Variants in CMTM7 observed in about 807,000 individuals in gnomAD.
CMTM7 encodes the protein CKLF-like MARVEL transmembrane domain-containing protein 7.
CMTM7 carries 7 observed loss-of-function variants against 19.3 expected under a neutral mutation model. The ratio of observed to expected loss-of-function variants is 0.36; its 90% CI spans 0.21 to 0.68. CMTM7 has a LOEUF of 0.68. CMTM7 is among the 30% of genes least tolerant of loss of function. CMTM7 has a pLI of 0.60. For synonymous variants in CMTM7, 87 were observed against 99.3 expected (o/e 0.88, Z 0.74); for missense variants, 193 against 232.6 (o/e 0.83, Z 1.11).
chr3:32,436,319 C>CTATT (rs1284563232), intron 1 of CMTM7, among the ~76,000 whole-genome samples: 27 of 152,128 alleles, frequency 1.8e-4, no homozygotes, highest in Admixed American at 1.8e-3. Context: ...TGCACAAAGG[C>CTATT]TATTAGATGA....
At chr3:32,442,432 G>A (rs1315517501) in intron 2 of CMTM7, among the ~76,000 whole-genome samples, 5 of 150,102 alleles carry the variant, frequency 3.3e-5, no homozygotes, top group Non-Finnish European at 7.4e-5. Flanking sequence ...CCCGGGAGGC[G>A]GAGCTTGCAG....
At chr3:32,414,597 T>C (rs1696230379) in intron 1 of CMTM7, among the ~76,000 whole-genome samples, 1 of 152,146 alleles carries the variant, frequency 6.6e-6, no homozygotes, top group Admixed American at 6.5e-5. Flanking sequence ...GCTGGGGAAG[T>C]GTGGCTTCTC....
chr3:32,419,154 C>T (rs1696308209), intron 1 of CMTM7, among the ~76,000 whole-genome samples: 1 of 152,162 alleles, frequency 6.6e-6, no homozygotes. Context: ...TGTAAATAGT[C>T]CTCTCCTTTG....
chr3:32,402,209 T>G (rs1481715260), intron 1 of CMTM7, among the ~76,000 whole-genome samples: 2 of 152,102 alleles, frequency 1.3e-5, no homozygotes, highest in African/African-American at 2.4e-5. Flanking sequence ...CCTCCCGGGT[T>G]AAAATGATTC....
chr3:32,402,418 CTTTA>C (rs1696024138), intron 1 of CMTM7, among the ~76,000 whole-genome samples: 3 of 123,918 alleles, frequency 2.4e-5, no homozygotes, highest in Admixed American at 8.4e-5. Flanking sequence ...GGCCAGTTTA[CTTTA>C]GATAGTTAGA....
chr3:32,445,277 T>C (rs909815060), intron 2 of CMTM7, among the ~76,000 whole-genome samples: 2 of 152,218 alleles, frequency 1.3e-5, no homozygotes, highest in Non-Finnish European at 2.9e-5. Context: ...GCAGCCATCA[T>C]TATCTTTTTC....
At position 32,454,249 on chromosome 3, in the gene CMTM7, G is replaced by C; in HGVS notation, c.523G>C (p.Val175Leu). 1 of 1,604,726 alleles carries C rather than the reference G, an allele frequency of 6.2e-7. No individual in the cohort carries two copies. The highest frequency in any genetic ancestry group is 1.1e-5 in the South Asian group (1 of 90,732). Residue 175 changes from valine to leucine, a missense_variant, in exon 5 of 5, where the codon GTC (valine) becomes CTC (leucine). Transcript: ENST00000334983. ...GCCATTTCCTTCCCAAGATGCAGCC[G>C]TCTGATGAGGCCACAACCCCTAGGC... is the stretch of plus-strand genomic sequence containing the variant. ...SCVTQSTDAA[V>L]
At chr3:32,439,713 A>G (rs1473822821) in intron 1 of CMTM7, among the ~76,000 whole-genome samples, 1 of 152,214 alleles carries the variant, frequency 6.6e-6, no homozygotes, top group Admixed American at 6.5e-5. Context: ...TTGGCCTCCC[A>G]AAGTGCTGGG....
chr3:32,410,648 A>C (rs956689241), intron 1 of CMTM7, among the ~76,000 whole-genome samples: 9 of 152,214 alleles, frequency 5.9e-5, no homozygotes, highest in African/African-American at 2.2e-4. Context: ...GATGCCTAGC[A>C]AAGAGAGGCT....
chr3:32,395,977 T>TG (rs1264131052), intron 1 of CMTM7, among the ~76,000 whole-genome samples: 2 of 152,190 alleles, frequency 1.3e-5, no homozygotes, highest in Non-Finnish European at 2.9e-5. Flanking sequence ...AATGAAGTAC[T>TG]GATGCGTGTA....
At chr3:32,392,593 A>G (rs1192603179) in intron 1 of CMTM7, among the ~76,000 whole-genome samples, 2 of 152,178 alleles carry the variant, frequency 1.3e-5, no homozygotes, top group African/African-American at 2.4e-5. Context: ...CTTGTGTTCC[A>G]TAGTGGGGAA....
At chr3:32,452,515 A>C (rs764264643) in intron 4 of CMTM7, 42 bp downstream of exon 4, 21 of 1,595,750 alleles carry the variant, frequency 1.3e-5, no homozygotes, top group Non-Finnish European at 1.6e-5. Flanking sequence ...TCTCAGGAAC[A>C]GGGGGATGGC....
At chr3:32,452,193 ACTGG>A in intron 3 of CMTM7, 195 bp from the exon 4 acceptor site, 2 of 1,503,946 alleles carry the variant, frequency 1.3e-6, no homozygotes, top group Non-Finnish European at 1.8e-6. Context: ...AACCTGGAGG[ACTGG>A]GGCCAGTGGC....
chr3:32,396,350 TACA>T (rs1695918161), intron 1 of CMTM7, among the ~76,000 whole-genome samples: 1 of 151,954 alleles, frequency 6.6e-6, no homozygotes, highest in Non-Finnish European at 1.5e-5. Flanking sequence ...TACTAAAAAA[TACA>T]AAAATTAGCT....
chr3:32,415,632 G>C (rs1696248988), intron 1 of CMTM7, among the ~76,000 whole-genome samples: 1 of 152,182 alleles, frequency 6.6e-6, no homozygotes, highest in Non-Finnish European at 1.5e-5. Context: ...CCTGCTCAGG[G>C]TTACTGTGCA....
intron 1 of CMTM7, among the ~76,000 whole-genome samples, chr3:32,401,666 C>G (rs1049777802): frequency 6.6e-5 from 10 of 152,262 alleles, no homozygotes; most frequent in African/African-American, 1.9e-4. Flanking sequence ...TGCCTCGCGC[C>G]GGGCCCAGCG....
chr3:32,392,541 T>G (rs1216327867), intron 1 of CMTM7, among the ~76,000 whole-genome samples: 4 of 152,246 alleles, frequency 2.6e-5, no homozygotes, highest in Admixed American at 6.5e-5. Context: ...AGGGCTTCCC[T>G]GCTCTGTGTG....
At chr3:32,440,092 C>T (rs967797917) in intron 1 of CMTM7, among the ~76,000 whole-genome samples, 1 of 136,210 alleles carries the variant, frequency 7.3e-6, no homozygotes, top group Non-Finnish European at 1.7e-5. Flanking sequence ...CACACACACA[C>T]ACACACACAC....
At position 32,391,992 on chromosome 3, in the gene CMTM7, C is replaced by G; in HGVS notation, c.86C>G (p.Ala29Gly). The G allele has an allele frequency of 1.6e-6, 2 of 1,233,778 alleles. No individual in the cohort carries two copies. Among genetic ancestry groups the G allele is most frequent in the Non-Finnish European group, 2.0e-6 (2 of 987,060 alleles). 76.4% of individuals were successfully genotyped at this position (1,233,778 alleles called of 1,614,324 possible). A position where few individuals can be genotyped will look rare whatever the true frequency, so the allele number is the denominator to read the frequency against. The change falls in exon 1 of 5, where the codon GCG becomes GGG. Residue 29 changes from alanine to glycine, a missense_variant. Transcript: ENST00000334983. The part of the protein sequence containing the change: ...GPGAGAAQPS[A>G]SPLEGLLDLS... ...GGGGCCGGCGCGGCCCAGCCCAGCG[C>G]GAGCCCCTTGGAGGGGCTGCTGGAC...
Sources: gnomAD v4.1 joint callset for allele counts (sites outside exome capture counted in the v4.1 genomes callset) on GRCh38, gnomAD v4.1.1 for gene constraint, MANE v1.5 for transcripts, NCBI Gene and HGNC (gene_info 2026-07-23, HGNC 2026-07-21) for gene names.